The following CNTRL variants were observed in gnomAD, a reference collection of about 807,000 sequenced individuals.
The protein encoded by CNTRL is centriolin, also known as 110 kDa centrosomal protein.
CNTRL carries 233 observed loss-of-function variants against 303.7 expected under a neutral mutation model. That is an observed-to-expected ratio of 0.77 (90% CI 0.69 to 0.86). CNTRL has a LOEUF of 0.86. Ranked by LOEUF, CNTRL falls within the 40% of genes least tolerant of loss-of-function variation. The pLI, the probability that CNTRL is intolerant of heterozygous loss-of-function variation, is 0.00. For missense variants in CNTRL, 2,524 were observed against 2,650.6 expected, an observed-to-expected ratio of 0.95 and a Z score of 1.05; for synonymous variants, 900 against 922.2, an observed-to-expected ratio of 0.98 and a Z score of 0.44.
intron 30 of CNTRL, 44 bp from the exon 31 acceptor site, chr9:121,158,811 G>A (rs770969857): frequency 2.5e-6 from 4 of 1,581,140 alleles, no homozygotes; most frequent in East Asian, 2.2e-5. Flanking sequence ...ACTGAGGGCT[G>A]TATGGCCTTT....
intron 36 of CNTRL, among the ~76,000 whole-genome samples, chr9:121,166,562 A>C (rs1250258081): frequency 6.6e-6 from 1 of 152,148 alleles, no homozygotes; most frequent in African/African-American, 2.4e-5. Flanking sequence ...GCCATAGAGT[A>C]CCCGCCAAAT....
chr9:121,172,971 A>AG (rs2053373037), intron 40 of CNTRL, among the ~76,000 whole-genome samples: 1 of 152,228 alleles, frequency 6.6e-6, no homozygotes, highest in South Asian at 2.1e-4. Context: ...CTGACTCCAA[A>AG]GAGATTGTCT....
At chr9:121,095,728 G>T (rs2048863657) in intron 5 of CNTRL, among the ~76,000 whole-genome samples, 1 of 152,156 alleles carries the variant, frequency 6.6e-6, no homozygotes, top group Non-Finnish European at 1.5e-5. Context: ...ATAAAAAGTT[G>T]ACTCTGATGA....
chr9:121,129,669 A>T (rs1316260044), intron 14 of CNTRL, among the ~76,000 whole-genome samples: 1 of 152,086 alleles, frequency 6.6e-6, no homozygotes, highest in Non-Finnish European at 1.5e-5. Context: ...TTCCAACACT[A>T]TGTTGAATAG....
Position 121,141,544 on chromosome 9 carries a change from CAAG to C in CNTRL, c.2652_2654del (p.Glu885del). On this transcript the variant is annotated inframe_deletion, in exon 18 of 44. Transcript: ENST00000373855. ...GCAGCAAGAGAAACTGGCAACTGGA[CAAG>C]AAGAGTTCAGGCAGGCCTGTGAGAG... 6.2e-7 allele frequency: 1 copy of C among 1,614,008 alleles called. No homozygotes were observed. The highest frequency in any genetic ancestry group is 8.5e-7 in the Non-Finnish European group (1 of 1,179,984).
intron 8 of CNTRL, chr9:121,110,958 G>C (rs180911760): frequency 6.0e-4 from 92 of 152,228 alleles, no homozygotes; most frequent in Middle Eastern, 3.4e-3. Flanking sequence ...GAAATGCACA[G>C]CCTATTTATT....
intron 24 of CNTRL, among the ~76,000 whole-genome samples, chr9:121,149,372 A>T (rs2052074733): frequency 6.6e-6 from 1 of 151,916 alleles, no homozygotes; most frequent in Non-Finnish European, 1.5e-5. Context: ...CTACCTTCTG[A>T]GAATTTGTTC....
chr9:121,087,093 G>A (rs2048371942), intron 2 of CNTRL, among the ~76,000 whole-genome samples: 1 of 152,202 alleles, frequency 6.6e-6, no homozygotes, highest in East Asian at 1.9e-4. Flanking sequence ...GTGCGTGAGA[G>A]TGAAAATGGA....
chr9:121,140,645 A>AC lies in CNTRL; in HGVS notation c.2343dup (p.Asn782GlnfsTer2). 1 of 1,608,672 alleles carries AC rather than the reference A, an allele frequency of 6.2e-7. No homozygotes were observed. The highest frequency in any genetic ancestry group is 1.7e-5 in the Admixed American group (1 of 59,660). On this transcript the variant is annotated frameshift_variant, in exon 17 of 44. Coordinates refer to ENST00000373855, the MANE Select transcript of CNTRL (RefSeq NM_007018.6). LOFTEE classifies it high-confidence loss of function. ...CTATTTCATCCCCCTCCATAGGATGACAATAATCTGTTAAAACAGCAACTT... is the reference window on the plus strand; with the variant it reads ...CTATTTCATCCCCCTCCATAGGATGACCAATAATCTGTTAAAACAGCAACTT...
chr9:121,142,313 C>T, intron 19 of CNTRL, 43 bp downstream of exon 19: 1 of 1,539,820 alleles, frequency 6.5e-7, no homozygotes, highest in Non-Finnish European at 8.8e-7. Context: ...TACCTGCTGC[C>T]AGTGTCCTGC....
chr9:121,084,226 TAA>T (rs1381694125), intron 2 of CNTRL, among the ~76,000 whole-genome samples: 3 of 152,182 alleles, frequency 2.0e-5, no homozygotes, highest in Admixed American at 2.0e-4. Flanking sequence ...CAAAAGTTTG[TAA>T]AGTTTATAAT....
rs184164256 is a variant in CNTRL, at chr9:121,138,358, A to T, written c.2203-187A>T. Among the ~76,000 whole-genome samples, 113 of 152,336 alleles carry T rather than the reference A, an allele frequency of 7.4e-4. No individual in the cohort carries two copies. The highest frequency in any genetic ancestry group is 1.8e-3 in the Admixed American group (27 of 15,300). ...GATGCTTACTCCTTCTTAAGTGTTAATAATAGTTTAAGGATTGTGTGAAAA... is the reference window on the plus strand; with the variant it reads ...GATGCTTACTCCTTCTTAAGTGTTATTAATAGTTTAAGGATTGTGTGAAAA... On this transcript the variant is annotated intron_variant, in intron 15 of 43. Transcript: ENST00000373855.
Position 121,096,455 on chromosome 9 carries a change from G to T in CNTRL, c.513G>T (p.Leu171=), listed in dbSNP as rs1221081328. Residue 171 remains leucine (L), a synonymous_variant, in exon 6 of 44, where the codon CTG becomes CTT. Transcript: ENST00000373855. ...AAGGCATAGAAAATATGTGTAATCT[G>T]CAAAAGCTTAACCTTGCAGGAAATG... ...KIEGIENMCN[L]QKLNLAGNEI... 27 of 1,563,068 alleles carry T rather than the reference G, an allele frequency of 1.7e-5. No individual in the cohort carries two copies. Among genetic ancestry groups the T allele is most frequent in the Non-Finnish European group, 2.3e-5 (26 of 1,152,326 alleles).
chr9:121,172,469 C>T lies in CNTRL; in HGVS notation c.6418-774C>T, dbSNP rs571858177. Among the ~76,000 whole-genome samples, 3 of 152,048 alleles carry T rather than the reference C, an allele frequency of 2.0e-5. No homozygotes were observed. In the South Asian group the frequency reaches 6.2e-4, roughly 32 times the overall value. On this transcript the variant is annotated intron_variant, in intron 40 of 43. Transcript: ENST00000373855. Reference sequence around the variant, plus strand: ...CAGCCTGGGAAACATGCCGAGACCCCGTCTCTACTAAAAATACAAAAAGTA... The same window carrying T: ...CAGCCTGGGAAACATGCCGAGACCCTGTCTCTACTAAAAATACAAAAAGTA...
intron 15 of CNTRL, among the ~76,000 whole-genome samples, chr9:121,138,062 T>G (rs1004167897): frequency 6.6e-6 from 1 of 152,208 alleles, no homozygotes. Flanking sequence ...TGAACTCACT[T>G]GTGATGCTTG....
intron 19 of CNTRL, 123 bp downstream of exon 19, chr9:121,142,393 G>A: frequency 1.3e-6 from 1 of 764,158 alleles, no homozygotes; most frequent in Non-Finnish European, 2.0e-6. Context: ...CTGGCACAGT[G>A]CTGAACCTGA....
At chr9:121,088,653 C>A in intron 3 of CNTRL, 110 bp downstream of exon 3, 1 of 654,862 alleles carries the variant, frequency 1.5e-6, no homozygotes, top group Non-Finnish European at 2.7e-6. Context: ...CTAATTTGAT[C>A]TATTGTTTTT....
chr9:121,080,536 C>T (rs1339179237), intron 2 of CNTRL, 58 bp downstream of exon 2: 1 of 152,130 alleles, frequency 6.6e-6, no homozygotes, highest in Non-Finnish European at 1.5e-5. Flanking sequence ...TTAGAATTAA[C>T]TTCAATCATC....
intron 27 of CNTRL, 126 bp downstream of exon 27, chr9:121,155,039 C>A: frequency 1.2e-6 from 1 of 802,884 alleles, no homozygotes; most frequent in Non-Finnish European, 2.1e-6. Flanking sequence ...AGCCAGGTTC[C>A]AGGCTGGACT....
Sources: gnomAD v4.1 joint callset for allele counts (sites outside exome capture counted in the v4.1 genomes callset) on GRCh38, gnomAD v4.1.1 for gene constraint, MANE v1.5 for transcripts, NCBI Gene and HGNC (gene_info 2026-07-23, HGNC 2026-07-21) for gene names.